Variants in ATG7 observed in about 807,000 individuals in gnomAD.
ATG7 encodes the protein autophagy related 7.
Under a neutral mutation model 82.4 loss-of-function variants are expected in ATG7, and 70 were observed. That is an observed-to-expected ratio of 0.85 (90% CI 0.70 to 1.04). The LOEUF (loss-of-function observed/expected upper bound fraction) is 1.04, where lower values mean the gene tolerates loss of function less well. Among genes scored for constraint, ATG7 ranks in the 50% least tolerant of loss-of-function variants. The pLI is 0.00. For missense variants in ATG7, 792 were observed against 864.3 expected (o/e 0.92, Z 1.05); for synonymous variants, 287 against 313.0 (o/e 0.92, Z 0.88).
At position 11,475,588 on chromosome 3, in the gene ATG7, A is replaced by G. The variant is rs915313430; in HGVS notation, c.2079+48662A>G. Among the ~76,000 whole-genome samples, 4 of 152,160 alleles carry G rather than the reference A, an allele frequency of 2.6e-5. No homozygotes were observed. The South Asian group carries it at 8.3e-4, about 31-fold the overall frequency. On this transcript the variant is annotated intron_variant, in intron 20 of 20. Coordinates refer to ENST00000693202, the MANE Select transcript of ATG7 (RefSeq NM_001349232.2). Reference sequence around the variant, plus strand: ...GGAGGCTTAGATAAAACAGACGCGGATGCTACCCTCTGCAGTCTGCAGATC... The same window carrying G: ...GGAGGCTTAGATAAAACAGACGCGGGTGCTACCCTCTGCAGTCTGCAGATC...
intron 18 of ATG7, among the ~76,000 whole-genome samples, chr3:11,379,681 A>G (rs2077722652): frequency 2.0e-5 from 3 of 152,208 alleles, no homozygotes; most frequent in African/African-American, 7.2e-5. Context: ...AAAATACTTT[A>G]GATACTACAG....
At chr3:11,431,372 G>T (rs140533169) in intron 20 of ATG7, among the ~76,000 whole-genome samples, 57 of 152,274 alleles carry the variant, frequency 3.7e-4, no homozygotes, top group African/African-American at 1.3e-3. Flanking sequence ...TTGCACTCCA[G>T]CCTGCAAGGG....
At chr3:11,307,116 A>T (rs1288657631) in intron 6 of ATG7, 56 bp downstream of exon 6, 1 of 1,512,872 alleles carries the variant, frequency 6.6e-7, no homozygotes, top group East Asian at 2.3e-5. Context: ...TGGCAGGTGC[A>T]GTGTTTGTGA....
intron 20 of ATG7, among the ~76,000 whole-genome samples, chr3:11,527,878 A>G (rs1453907202): frequency 6.6e-6 from 1 of 152,178 alleles, no homozygotes; most frequent in African/African-American, 2.4e-5. Flanking sequence ...CAAAGCAGGT[A>G]TTTTCATTTC....
chr3:11,428,407 G>T (rs1001115277), intron 20 of ATG7, among the ~76,000 whole-genome samples: 21 of 152,222 alleles, frequency 1.4e-4, no homozygotes, highest in African/African-American at 4.6e-4. Flanking sequence ...GATTTTTCAG[G>T]TACACCAGGG....
chr3:11,430,845 G>A (rs1479043151), intron 20 of ATG7, among the ~76,000 whole-genome samples: 1 of 152,206 alleles, frequency 6.6e-6, no homozygotes, highest in Non-Finnish European at 1.5e-5. Flanking sequence ...TTCACAGGAA[G>A]AGAACAAATA....
intron 20 of ATG7, chr3:11,510,122 TAGAA>T (rs1054893311): frequency 7.2e-5 from 29 of 401,472 alleles, no homozygotes; most frequent in Non-Finnish European, 1.3e-4. Context: ...CTGCAGAAAT[TAGAA>T]GGAAGGTACG....
intron 20 of ATG7, among the ~76,000 whole-genome samples, chr3:11,464,226 G>T (rs972984929): frequency 6.6e-6 from 1 of 152,102 alleles, no homozygotes; most frequent in Non-Finnish European, 1.5e-5. Flanking sequence ...ACAAAAATTG[G>T]CCAGGCATGG....
chr3:11,313,271 A>G (rs754323858), intron 7 of ATG7, 33 bp from the exon 8 acceptor site: 4 of 1,419,510 alleles, frequency 2.8e-6, no homozygotes, highest in Non-Finnish European at 3.9e-6. Flanking sequence ...TAATGGTGCT[A>G]TTCTAATAAC....
At chr3:11,507,020 C>A (rs548848651) in intron 20 of ATG7, among the ~76,000 whole-genome samples, 1 of 152,224 alleles carries the variant, frequency 6.6e-6, no homozygotes, top group Non-Finnish European at 1.5e-5. Context: ...GTGGCTCATG[C>A]CTGTAATCCC....
chr3:11,340,500 G>A (rs1953366979), intron 11 of ATG7, 145 bp from the exon 12 acceptor site: 2 of 623,134 alleles, frequency 3.2e-6, no homozygotes, highest in East Asian at 3.4e-5. Flanking sequence ...AGGCCCTCAA[G>A]TCTCTTTTAG....
intron 20 of ATG7, among the ~76,000 whole-genome samples, chr3:11,472,177 C>G (rs970259513): frequency 6.6e-6 from 1 of 152,188 alleles, no homozygotes; most frequent in Non-Finnish European, 1.5e-5. Flanking sequence ...ATGGAGAGTT[C>G]TAATGTAACC....
chr3:11,443,993 C>T (rs999622236), intron 20 of ATG7, among the ~76,000 whole-genome samples: 1 of 152,124 alleles, frequency 6.6e-6, no homozygotes, highest in Non-Finnish European at 1.5e-5. Context: ...GTAAACTTTT[C>T]CTGTACAACT....
At chr3:11,505,295 A>G (rs963856304) in intron 20 of ATG7, among the ~76,000 whole-genome samples, 9 of 152,224 alleles carry the variant, frequency 5.9e-5, no homozygotes, top group African/African-American at 2.2e-4. Flanking sequence ...GCGCAGGTAG[A>G]GAAAAGAAGA....
At chr3:11,491,532 G>A (rs2090354772) in intron 20 of ATG7, among the ~76,000 whole-genome samples, 1 of 152,164 alleles carries the variant, frequency 6.6e-6, no homozygotes, top group Non-Finnish European at 1.5e-5. Context: ...CGTTCCTTTG[G>A]AGGAGGAGAG....
intron 20 of ATG7, among the ~76,000 whole-genome samples, chr3:11,490,581 A>G (rs551188007): frequency 1.5e-4 from 23 of 152,232 alleles, no homozygotes; most frequent in African/African-American, 5.3e-4. Flanking sequence ...GGTCTTTACA[A>G]TTTGGCATGA....
chr3:11,460,493 T>C (rs769140148), intron 20 of ATG7, among the ~76,000 whole-genome samples: 1 of 152,198 alleles, frequency 6.6e-6, no homozygotes, highest in Non-Finnish European at 1.5e-5. Context: ...CACCAGAGCG[T>C]TGCCTTTGCC....
intron 20 of ATG7, among the ~76,000 whole-genome samples, chr3:11,533,868 G>A (rs920049926): frequency 8.5e-5 from 13 of 152,186 alleles, no homozygotes; most frequent in African/African-American, 2.9e-4. Context: ...TACTTATTAA[G>A]AGAATGAACC....
chr3:11,484,698 C>T (rs529224143), intron 20 of ATG7, among the ~76,000 whole-genome samples: 20 of 152,336 alleles, frequency 1.3e-4, no homozygotes, highest in African/African-American at 4.8e-4. Context: ...TATCCCTCCC[C>T]TGACCCCACG....
Sources: gnomAD v4.1 joint callset for allele counts (sites outside exome capture counted in the v4.1 genomes callset) on GRCh38, gnomAD v4.1.1 for gene constraint, MANE v1.5 for transcripts, NCBI Gene and HGNC (gene_info 2026-07-23, HGNC 2026-07-21) for gene names.